Variants in ACP6 observed in about 807,000 individuals in gnomAD.
ACP6 encodes the protein lysophosphatidic acid phosphatase type 6.
ACP6 carries 48 observed loss-of-function variants against 48.1 expected under a neutral mutation model. That is an observed-to-expected ratio of 1.00 (90% confidence interval 0.79 to 1.27). The LOEUF is 1.27. ACP6 is among the 50% of genes most tolerant of loss of function. The pLI is 0.00. For missense variants in ACP6, 485 were observed against 529.1 expected, an observed-to-expected ratio of 0.92 and a Z score of 0.82; for synonymous variants, 172 against 204.2, an observed-to-expected ratio of 0.84 and a Z score of 1.34.
Position 147,655,354 on chromosome 1 carries a change from TGA to T in ACP6, c.560-108_560-107del, listed in dbSNP as rs1430449727. The T allele has an allele frequency of 9.4e-5, 79 of 841,034 alleles. No individual in the cohort carries two copies. In the African/African-American group the frequency reaches 1.1e-3, roughly 12 times the overall value. The allele number at this position is 841,034 out of a possible 1,614,324, so 52.1% of individuals were successfully genotyped here. On this transcript the variant is annotated intron_variant, in intron 4 of 9. Transcript: ENST00000583509. The stretch of plus-strand genomic sequence containing the variant: ...ACAGAGATGGAGCAGAGATCTGCTC[TGA>T]GAGGCAGATCATCAAGGTTACTCCT...
In ACP6 at chr1:147,655,766, T is replaced by A. The variant is rs1570964708; in HGVS notation, c.560-518A>T. Among the ~76,000 whole-genome samples the A allele has an allele frequency of 2.6e-5, 4 of 152,294 alleles. No homozygotes were observed. In the South Asian group the frequency reaches 8.3e-4, roughly 32 times the overall value. On this transcript the variant is annotated intron_variant, in intron 4 of 9. Coordinates refer to ENST00000583509, the MANE Select transcript of ACP6 (RefSeq NM_016361.5). ...CCTTGCCCAAAATAAAAAGCCAGGC[T>A]TTTAGATGAATTGCTGGTCTAACCA...
intron 1 of ACP6, among the ~76,000 whole-genome samples, chr1:147,661,439 A>T (rs1184491200): frequency 6.6e-6 from 1 of 152,094 alleles, no homozygotes; most frequent in African/African-American, 2.4e-5. Flanking sequence ...TAAGATGCCA[A>T]ACTTAATCAA....
intron 6 of ACP6, 200 bp from the exon 7 acceptor site, chr1:147,652,749 C>G: frequency 1.6e-6 from 1 of 631,776 alleles, no homozygotes; most frequent in Non-Finnish European, 2.2e-6. Context: ...TACCTGAAGG[C>G]CAGGAAAAAA....
downstream of ACP6, among the ~76,000 whole-genome samples, chr1:147,641,158 G>C (rs1659439218): frequency 1.3e-5 from 2 of 152,026 alleles, no homozygotes; most frequent in Non-Finnish European, 1.5e-5. Flanking sequence ...GAGGATTCCA[G>C]CTGAGGAAAA....
In ACP6 at chr1:147,659,462, C is replaced by G; in HGVS notation, c.413G>C (p.Arg138Thr). ...GTCTTCCACATAGTTCTTCCTCAGT[C>G]TCTCTCCCAAGGCAAACATTTGCTG... ...GMQQMFALGE[R>T]LRKNYVEDIP... The change falls in exon 3 of 10, where the codon AGA becomes ACA. Residue 138 changes from arginine to threonine, a missense_variant. Arg to Thr is a moderately conservative substitution (Grantham distance 71). Transcript: ENST00000583509. 6.2e-7 allele frequency: 1 copy of G among 1,614,234 alleles called. No individual in the cohort carries two copies. Among genetic ancestry groups the G allele is most frequent in the Non-Finnish European group, 8.5e-7 (1 of 1,180,040 alleles).
intron 1 of ACP6, among the ~76,000 whole-genome samples, chr1:147,661,603 A>G (rs1205456938): frequency 1.3e-5 from 2 of 152,146 alleles, no homozygotes; most frequent in African/African-American, 4.8e-5. Flanking sequence ...GTGAAAGGAA[A>G]AGTTTCAAGT....
At chr1:147,658,378 C>A (rs2148911008) in intron 4 of ACP6, among the ~76,000 whole-genome samples, 1 of 152,272 alleles carries the variant, frequency 6.6e-6, no homozygotes, top group East Asian at 1.9e-4. Context: ...TGACAAAATG[C>A]AGCTTCATGT....
intron 5 of ACP6, 104 bp from the exon 6 acceptor site, chr1:147,654,430 C>T (rs1229681372): frequency 6.8e-6 from 9 of 1,325,060 alleles, no homozygotes; most frequent in Middle Eastern, 1.9e-4. Context: ...TTAATCCCCA[C>T]AACCCAATGG....
At chr1:147,657,183 T>C (rs1660299524) in intron 4 of ACP6, among the ~76,000 whole-genome samples, 1 of 151,528 alleles carries the variant, frequency 6.6e-6, no homozygotes, top group African/African-American at 2.4e-5. Context: ...ATCTGGAGTC[T>C]GATATTGGTG....
chr1:147,670,155 G>T lies in ACP6; in HGVS notation c.-107C>A. On this transcript the variant is annotated 5_prime_UTR_variant, in exon 1 of 10. Coordinates refer to ENST00000583509, the MANE Select transcript of ACP6 (RefSeq NM_016361.5). ...CGCCCCCAAGTCCGCGGGAACCTGC[G>T]GATGCGTACATCCAGCCCTTCAGCA... 1 of 1,056,226 alleles carries T rather than the reference G, an allele frequency of 9.5e-7. No individual in the cohort carries two copies. Among genetic ancestry groups the T allele is most frequent in the Non-Finnish European group, 1.3e-6 (1 of 756,092 alleles). The allele number at this position is 1,056,226 out of a possible 1,614,324, so 65.4% of individuals were successfully genotyped here.
Position 147,652,558 on chromosome 1 carries a change from GC to G in ACP6, c.781-10del, listed in dbSNP as rs1553210760. 1 of 1,613,904 alleles carries G rather than the reference GC, an allele frequency of 6.2e-7. No individual in the cohort carries two copies. The highest frequency in any genetic ancestry group is 8.5e-7 in the Non-Finnish European group (1 of 1,179,974). On this transcript the variant is annotated splice_polypyrimidine_tract_variant and intron_variant, in intron 6 of 9. Coordinates refer to ENST00000583509, the MANE Select transcript of ACP6 (RefSeq NM_016361.5). Reference sequence around the variant, plus strand: ...CTTGGGAGGTTGTGTGCCTGAAAGGGCCACATGTAGTTTTAGAAAAAAATGC... The same window carrying G: ...CTTGGGAGGTTGTGTGCCTGAAAGGGCACATGTAGTTTTAGAAAAAAATGC...
intron 4 of ACP6, 93 bp from the exon 5 acceptor site, chr1:147,655,341 C>A (rs1660199162): frequency 1.1e-6 from 1 of 943,916 alleles, no homozygotes; most frequent in African/African-American, 1.6e-5. Flanking sequence ...AGAGATGGAG[C>A]AGAGATCTGC....
At chr1:147,659,804 T>C (rs1345375896) in intron 1 of ACP6, 29 bp from the exon 2 acceptor site, 5 of 1,609,110 alleles carry the variant, frequency 3.1e-6, no homozygotes, top group Non-Finnish European at 4.2e-6. Context: ...CACACCACAT[T>C]GTTTAAAAAT....
intron 8 of ACP6, 83 bp from the exon 9 acceptor site, chr1:147,648,494 A>C: frequency 6.6e-7 from 1 of 1,504,058 alleles, no homozygotes; most frequent in South Asian, 1.2e-5. Context: ...TACGTAAGAC[A>C]CACTTGCCTC....
chr1:147,659,477 A>G lies in ACP6; in HGVS notation c.398T>C (p.Phe133Ser). ...CTTCCTCAGTCTCTCTCCCAAGGCA[A>G]ACATTTGCTGCATGCCCACCTTGGT... is the stretch of plus-strand genomic sequence containing the variant. ...QLTKVGMQQM[F>S]ALGERLRKNY... is the part of the protein sequence containing the mutation. Residue 133 changes from phenylalanine (F) to serine (S), a missense_variant, in exon 3 of 10, where the codon TTT becomes TCT. By Grantham distance (155) the Phe-to-Ser change is radical. Transcript: ENST00000583509. 6.2e-7 allele frequency: 1 copy of G among 1,614,240 alleles called. No homozygotes were observed. Among genetic ancestry groups the G allele is most frequent in the East Asian group, 2.2e-5 (1 of 44,888 alleles).
chr1:147,632,799 G>C (rs372953796), intron 5 of ACP6, among the ~76,000 whole-genome samples: 1 of 152,136 alleles, frequency 6.6e-6, no homozygotes, highest in Non-Finnish European at 1.5e-5. Flanking sequence ...GGCTGGAAGA[G>C]CTGACTGGAA....
Position 147,645,838 on chromosome 1 carries a change from G to T in ACP6, c.*1585C>A, listed in dbSNP as rs1659602759. 6.6e-6 allele frequency: 1 copy of T among 152,174 alleles called. No homozygotes were observed. The highest frequency in any genetic ancestry group is 1.5e-5 in the Non-Finnish European group (1 of 68,040). 9.4% of individuals were successfully genotyped at this position (152,174 alleles called of 1,614,324 possible). ...AGAAAAAAGTTTAAGAGATTTTACA[G>T]CATATTTGTATTGCTAATAGAATAA... is the stretch of plus-strand genomic sequence containing the variant. On this transcript the variant is annotated 3_prime_UTR_variant, in exon 10 of 10. Coordinates refer to ENST00000583509, the MANE Select transcript of ACP6 (RefSeq NM_016361.5).
In ACP6 at chr1:147,653,231, A is replaced by G. The variant is rs1266019827; in HGVS notation, c.781-682T>C. On this transcript the variant is annotated intron_variant, in intron 6 of 9. Coordinates refer to ENST00000583509, the MANE Select transcript of ACP6 (RefSeq NM_016361.5). ...CTGCAACCCCTGCCTCCCAGGTTCAAGCAAGTATTCTGCCTCAGCCTCCTG... is the reference window on the plus strand; with the variant it reads ...CTGCAACCCCTGCCTCCCAGGTTCAGGCAAGTATTCTGCCTCAGCCTCCTG... Among the ~76,000 whole-genome samples, 3 of 125,988 alleles carry G rather than the reference A, an allele frequency of 2.4e-5. No homozygotes were observed. In the Admixed American group the frequency reaches 2.4e-4, roughly 10 times the overall value. The allele number at this position is 125,988 out of a possible 152,430, so 82.7% of individuals were successfully genotyped here.
At chr1:147,652,681 T>C (rs372760792) in intron 6 of ACP6, 132 bp from the exon 7 acceptor site, 2 of 1,592,818 alleles carry the variant, frequency 1.3e-6, no homozygotes, top group African/African-American at 2.7e-5. Context: ...AGAACAGCTA[T>C]GTCTGTTAAC....
Sources: gnomAD v4.1 joint callset for allele counts (sites outside exome capture counted in the v4.1 genomes callset) on GRCh38, gnomAD v4.1.1 for gene constraint, MANE v1.5 for transcripts, NCBI Gene and HGNC (gene_info 2026-07-23, HGNC 2026-07-21) for gene names.